STX12: variants seen among roughly 807,000 people sequenced by gnomAD.
STX12 encodes the protein syntaxin-12.
Under a neutral mutation model 42.2 loss-of-function variants are expected in STX12, and 17 were observed. The ratio of observed to expected loss-of-function variants is 0.40; its 90% confidence interval spans 0.28 to 0.60. The LOEUF (loss-of-function observed/expected upper bound fraction) is 0.60. STX12 is among the 20% of genes least tolerant of loss of function. STX12 has a pLI of 0.39. For missense variants in STX12, 297 were observed against 330.9 expected, an observed-to-expected ratio of 0.90 and a Z score of 0.79; for synonymous variants, 108 against 116.7, an observed-to-expected ratio of 0.93 and a Z score of 0.48.
chr1:27,817,811 T>A (rs373160498), intron 6 of STX12, 40 bp from the exon 7 acceptor site: 1 of 1,581,288 alleles, frequency 6.3e-7, no homozygotes, highest in Non-Finnish European at 8.7e-7. Context: ...TCTTCTAACA[T>A]GTTGCTTAAT....
chr1:27,810,368 T>A, intron 5 of STX12, 79 bp downstream of exon 5: 2 of 1,398,414 alleles, frequency 1.4e-6, no homozygotes, highest in South Asian at 1.2e-5. Flanking sequence ...TAAAAATCAA[T>A]GAAAAAATAG....
In STX12 at chr1:27,801,705, C is replaced by A; in HGVS notation, c.316C>A (p.Leu106Ile). The A allele has an allele frequency of 1.3e-6, 2 of 1,563,270 alleles. No homozygotes were observed. Among genetic ancestry groups the A allele is most frequent in the Non-Finnish European group, 1.7e-6 (2 of 1,161,872 alleles). ...QRQQRLQKER[L>I]MNDFSAALNN... ...CCAGCAGAGACTTCAGAAGGAACGC[C>A]TCATGAATGACTTCTCTGCAGCCTT... The change falls in exon 4 of 9, where the codon CTC (leucine) becomes ATC (isoleucine). Residue 106 changes from leucine (L) to isoleucine (I), a missense_variant. Coordinates refer to ENST00000373943, the MANE Select transcript of STX12 (RefSeq NM_177424.3).
intron 4 of STX12, among the ~76,000 whole-genome samples, chr1:27,804,984 G>A (rs2088853516): frequency 6.6e-6 from 1 of 152,154 alleles, no homozygotes; most frequent in African/African-American, 2.4e-5. Context: ...AGGACCGCAG[G>A]AGAGAGAATG....
intron 6 of STX12, among the ~76,000 whole-genome samples, chr1:27,817,095 AAAAG>A (rs1345808000): frequency 1.3e-5 from 2 of 150,624 alleles, no homozygotes; most frequent in East Asian, 2.0e-4. Context: ...AAAGGAAGAA[AAAAG>A]AAAGGGAGGG....
intron 3 of STX12, 65 bp from the exon 4 acceptor site, chr1:27,801,613 G>A: frequency 7.0e-7 from 1 of 1,422,542 alleles, no homozygotes; most frequent in South Asian, 1.7e-5. Context: ...TTACTTTTAA[G>A]GGAAATTAAA....
chr1:27,781,093 G>T (rs1054614139), intron 1 of STX12, among the ~76,000 whole-genome samples: 2 of 152,004 alleles, frequency 1.3e-5, no homozygotes, highest in African/African-American at 4.8e-5. Flanking sequence ...ACTCAGGCTG[G>T]AGTACAGTGG....
intron 2 of STX12, among the ~76,000 whole-genome samples, chr1:27,792,588 G>A (rs1373029051): frequency 1.3e-5 from 2 of 151,806 alleles, no homozygotes; most frequent in Non-Finnish European, 2.9e-5. Flanking sequence ...TTAGTGTGGT[G>A]TGTTAGCCCA....
chr1:27,822,270 C>T lies in STX12; in HGVS notation c.772C>T (p.Leu258=). 3 of 1,613,692 alleles carry T rather than the reference C, an allele frequency of 1.9e-6. No individual in the cohort carries two copies. Among genetic ancestry groups the T allele is most frequent in the South Asian group, 2.2e-5 (2 of 91,068 alleles). Residue 258 remains leucine, a synonymous_variant, in exon 9 of 9, where the codon CTG becomes TTG. Coordinates refer to ENST00000373943, the MANE Select transcript of STX12 (RefSeq NM_177424.3). ...GAAGATGTGTATCCTGGTGCTTGTC[C>T]TGTCAGTGATTATTCTAATCTTGGG... ...RKKMCILVLV[L]SVIILILGLI... is the part of the protein sequence containing the mutation.
At chr1:27,797,505 T>C (rs906144187) in intron 3 of STX12, among the ~76,000 whole-genome samples, 3 of 152,178 alleles carry the variant, frequency 2.0e-5, no homozygotes, top group Non-Finnish European at 4.4e-5. Flanking sequence ...CATATCCTCC[T>C]AAGAGTGGGC....
intron 1 of STX12, among the ~76,000 whole-genome samples, chr1:27,782,335 T>C (rs1418206591): frequency 6.6e-6 from 1 of 152,130 alleles, no homozygotes; most frequent in East Asian, 1.9e-4. Context: ...TGGGTTCAAG[T>C]GATCCTCCCA....
chr1:27,812,048 G>C (rs1282223747), intron 5 of STX12, 115 bp from the exon 6 acceptor site: 1 of 820,614 alleles, frequency 1.2e-6, no homozygotes, highest in African/African-American at 1.7e-5. Flanking sequence ...GATAGCAGAG[G>C]ACTGGAGCCC....
At chr1:27,815,851 GTCTT>G (rs1301651146) in intron 6 of STX12, among the ~76,000 whole-genome samples, 3 of 152,146 alleles carry the variant, frequency 2.0e-5, no homozygotes, top group African/African-American at 4.8e-5. Flanking sequence ...GGTTTCCATT[GTCTT>G]TCTTCTGCCT....
At chr1:27,804,730 C>T (rs1031751150) in intron 4 of STX12, among the ~76,000 whole-genome samples, 2 of 150,944 alleles carry the variant, frequency 1.3e-5, no homozygotes, top group Admixed American at 6.6e-5. Context: ...AGACTCGCTT[C>T]AACCCGGGAG....
intron 3 of STX12, among the ~76,000 whole-genome samples, 166 bp downstream of exon 3, chr1:27,793,798 C>A (rs1038211997): frequency 1.3e-5 from 2 of 151,898 alleles, no homozygotes; most frequent in South Asian, 4.2e-4. Flanking sequence ...ACTGTTGGGG[C>A]AATAGAAAGA....
At chr1:27,776,189 T>C (rs577694096) in intron 1 of STX12, among the ~76,000 whole-genome samples, 2 of 152,348 alleles carry the variant, frequency 1.3e-5, no homozygotes, top group South Asian at 4.1e-4. Context: ...GTTAGTAATA[T>C]TAATAGCTAA....
At chr1:27,803,470 T>C (rs1420155252) in intron 4 of STX12, among the ~76,000 whole-genome samples, 1 of 152,216 alleles carries the variant, frequency 6.6e-6, no homozygotes, top group African/African-American at 2.4e-5. Flanking sequence ...TGAAAATATA[T>C]GTCAGAATGA....
rs183756103 is a variant in STX12, at chr1:27,790,226, G to A, written c.188+595G>A. Reference sequence around the variant, plus strand: ...TCTTGGTCTTGCTGACTTCAACAATGAAGCCGTGGACCTTCGTGGTGAGTG... The same window carrying A: ...TCTTGGTCTTGCTGACTTCAACAATAAAGCCGTGGACCTTCGTGGTGAGTG... On this transcript the variant is annotated intron_variant, in intron 2 of 8. Coordinates refer to ENST00000373943, the MANE Select transcript of STX12 (RefSeq NM_177424.3). Among the ~76,000 whole-genome samples the A allele has an allele frequency of 1.3e-3, 201 of 152,318 alleles. 1 individual carries two copies. Among genetic ancestry groups the A allele is most frequent in the Non-Finnish European group, 2.5e-3 (171 of 68,018 alleles).
chr1:27,790,234 G>C (rs982506446), intron 2 of STX12, among the ~76,000 whole-genome samples: 1 of 152,138 alleles, frequency 6.6e-6, no homozygotes, highest in African/African-American at 2.4e-5. Flanking sequence ...ATGAAGCCGT[G>C]GACCTTCGTG....
chr1:27,808,912 A>G (rs1396648626), intron 4 of STX12, among the ~76,000 whole-genome samples: 1 of 152,230 alleles, frequency 6.6e-6, no homozygotes, highest in Non-Finnish European at 1.5e-5. Flanking sequence ...ACGTTATTAT[A>G]TGCCAAAGAG....
Sources: allele counts gnomAD v4.1 joint callset (sites outside exome capture counted in the v4.1 genomes callset), GRCh38; gene constraint gnomAD v4.1.1; transcripts MANE v1.5; gene names NCBI Gene and HGNC (gene_info 2026-07-23, HGNC 2026-07-21).